The following TSPAN15 variants were observed in gnomAD, a reference collection of about 807,000 sequenced individuals.
The protein encoded by TSPAN15 is tetraspanin-15.
Under a neutral mutation model 34.5 loss-of-function variants are expected in TSPAN15, and 20 were observed. The ratio of observed to expected loss-of-function variants is 0.58; its 90% CI spans 0.41 to 0.84. The LOEUF is 0.84. TSPAN15 is among the 40% of genes least tolerant of loss of function. TSPAN15 has a pLI of 0.00. For synonymous variants in TSPAN15, 155 were observed against 153.9 expected (o/e 1.01, Z -0.05); for missense variants, 313 against 386.1 (o/e 0.81, Z 1.59).
the TSPAN15 span, among the ~76,000 whole-genome samples, chr10:69,528,417 G>T: frequency 7.3e-3 from 1,086 of 148,538 alleles, 86 homozygotes; most frequent in African/African-American, 0.025. Context: ...TGGGCAAGGG[G>T]CCCACCCTGT....
chr10:69,501,710 C>T (rs1304970392), intron 5 of TSPAN15, among the ~76,000 whole-genome samples: 5 of 152,208 alleles, frequency 3.3e-5, no homozygotes, highest in Non-Finnish European at 5.9e-5. Context: ...GAGCAGGGCT[C>T]CCCTACCTCC....
chr10:69,508,736 G>C (rs1267043925), downstream of TSPAN15, among the ~76,000 whole-genome samples: 2 of 152,178 alleles, frequency 1.3e-5, no homozygotes, highest in African/African-American at 4.8e-5. Context: ...TATTAGTGGG[G>C]AAACTGAGGC....
At chr10:69,541,738 C>T in the TSPAN15 span, among the ~76,000 whole-genome samples, 1 of 152,272 alleles carries the variant, frequency 6.6e-6, no homozygotes, top group African/African-American at 2.4e-5. Flanking sequence ...AGGTTCAACA[C>T]CTGTAAGCTG....
intron 3 of TSPAN15, among the ~76,000 whole-genome samples, chr10:69,488,164 G>A (rs73275780): frequency 0.073 from 11,160 of 152,112 alleles, 1,335 homozygotes; most frequent in African/African-American, 0.25. Flanking sequence ...ATTTTTCCTT[G>A]GCTCTCAATT....
At chr10:69,476,071 A>G (rs1276443229) in intron 1 of TSPAN15, among the ~76,000 whole-genome samples, 4 of 152,132 alleles carry the variant, frequency 2.6e-5, no homozygotes, top group Admixed American at 1.3e-4. Context: ...TCTGGTTCCA[A>G]TCAACGTCCA....
At chr10:69,455,619 TCTCTCTCCCCCCCCCGTC>T (rs1269059942) in intron 1 of TSPAN15, among the ~76,000 whole-genome samples, 107 of 98,366 alleles carry the variant, frequency 1.1e-3, no homozygotes, top group African/African-American at 1.5e-3. Context: ...TCTCTCTCTC[TCTCTCTCCCCCCCCCGTC>T]TCTTTCTTTC....
At chr10:69,493,801 G>A (rs907384553) in intron 3 of TSPAN15, among the ~76,000 whole-genome samples, 2 of 151,706 alleles carry the variant, frequency 1.3e-5, no homozygotes, top group African/African-American at 2.4e-5. Context: ...TTTCAGTGGA[G>A]GCAGGGTTTC....
the TSPAN15 span, among the ~76,000 whole-genome samples, chr10:69,519,590 G>A: frequency 6.6e-6 from 1 of 152,076 alleles, no homozygotes; most frequent in Non-Finnish European, 1.5e-5. Flanking sequence ...TTAAAAATCA[G>A]AAACAAAAAT....
chr10:69,507,352 G>A lies in TSPAN15; in HGVS notation c.*374G>A. ...GCAGTTTTGTAGCACCTGTAATTGG[G>A]GAGAGGGAGTGTGCCCCTCGGGGCA... On this transcript the variant is annotated 3_prime_UTR_variant, in exon 8 of 8. Coordinates refer to ENST00000373290, the MANE Select transcript of TSPAN15 (RefSeq NM_012339.5). The A allele has an allele frequency of 8.3e-7, 1 of 1,212,098 alleles. No individual in the cohort carries two copies. The highest frequency in any genetic ancestry group is 1.0e-6 in the Non-Finnish European group (1 of 957,792). The allele number at this position is 1,212,098 out of a possible 1,614,324, so 75.1% of individuals were successfully genotyped here.
At chr10:69,470,174 G>A (rs1033668570) in intron 1 of TSPAN15, among the ~76,000 whole-genome samples, 2 of 152,126 alleles carry the variant, frequency 1.3e-5, no homozygotes, top group Non-Finnish European at 2.9e-5. Context: ...TAGCTTCACA[G>A]CTTCCTCATG....
chr10:69,488,250 G>A (rs1841896443), intron 3 of TSPAN15, among the ~76,000 whole-genome samples: 1 of 152,100 alleles, frequency 6.6e-6, no homozygotes, highest in East Asian at 1.9e-4. Flanking sequence ...ATATGATTTT[G>A]TAAAACAGGA....
downstream of TSPAN15, among the ~76,000 whole-genome samples, chr10:69,509,985 T>C (rs1842399029): frequency 6.6e-6 from 1 of 152,230 alleles, no homozygotes; most frequent in African/African-American, 2.4e-5. Context: ...ACTGTGGCCT[T>C]ATACTATAGT....
At chr10:69,522,590 G>A in the TSPAN15 span, among the ~76,000 whole-genome samples, 26 of 146,740 alleles carry the variant, frequency 1.8e-4, 3 homozygotes, top group African/African-American at 5.9e-4. Context: ...GGTGAGCAGC[G>A]GGTGAGCAAG....
chr10:69,503,701 G>A lies in TSPAN15; in HGVS notation c.571-737G>A, dbSNP rs541085151. On this transcript the variant is annotated intron_variant, in intron 5 of 7. Coordinates refer to ENST00000373290, the MANE Select transcript of TSPAN15 (RefSeq NM_012339.5). ...ACATGTAGAGCAGCGGGGCTGGGGG[G>A]GACGGTCATGGGCTGGACCAGGAAG... Among the ~76,000 whole-genome samples, 16 of 152,264 alleles carry A rather than the reference G, an allele frequency of 1.1e-4. No individual in the cohort carries two copies. The South Asian group carries it at 2.9e-3, about 28-fold the overall frequency.
chr10:69,493,390 G>C (rs922415096), intron 3 of TSPAN15, among the ~76,000 whole-genome samples: 6 of 152,070 alleles, frequency 3.9e-5, no homozygotes, highest in African/African-American at 1.4e-4. Context: ...GCAATCCCAG[G>C]CCTGCTCCAG....
At chr10:69,486,037 G>A (rs1356930713) in intron 3 of TSPAN15, among the ~76,000 whole-genome samples, 3 of 152,178 alleles carry the variant, frequency 2.0e-5, no homozygotes, top group Non-Finnish European at 4.4e-5. Context: ...CAGGATGTAC[G>A]CACCTCATAC....
At chr10:69,467,895 G>A (rs889906126) in intron 1 of TSPAN15, among the ~76,000 whole-genome samples, 1 of 151,696 alleles carries the variant, frequency 6.6e-6, no homozygotes, top group African/African-American at 2.4e-5. Context: ...CATAAAAAAT[G>A]TCCCAGTGCA....
intron 1 of TSPAN15, among the ~76,000 whole-genome samples, chr10:69,480,576 G>T (rs1454050977): frequency 6.6e-6 from 1 of 152,180 alleles, no homozygotes; most frequent in African/African-American, 2.4e-5. Context: ...ATTTAACCAT[G>T]ATTCTCTGCT....
intron 1 of TSPAN15, among the ~76,000 whole-genome samples, chr10:69,474,260 C>T (rs1474308054): frequency 6.6e-6 from 1 of 152,048 alleles, no homozygotes; most frequent in Non-Finnish European, 1.5e-5. Context: ...ACAGTGAGAC[C>T]ACAGGGCACT....
Sources: gnomAD v4.1 joint callset for allele counts (sites outside exome capture counted in the v4.1 genomes callset) on GRCh38, gnomAD v4.1.1 for gene constraint, MANE v1.5 for transcripts, NCBI Gene and HGNC (gene_info 2026-07-23, HGNC 2026-07-21) for gene names.